The following XIRP2 variants were observed in gnomAD, a reference collection of about 807,000 sequenced individuals.
XIRP2 encodes the protein xin actin binding repeat containing 2, also known as xin actin-binding repeat-containing protein 2.
A neutral mutation model predicts 277.0 loss-of-function variants in XIRP2; 236 were observed. The observed-to-expected ratio is 0.85, with a 90% CI of 0.77 to 0.95. XIRP2 has a LOEUF of 0.95. Ranked by LOEUF, XIRP2 falls within the 40% of genes least tolerant of loss-of-function variation. The pLI, the probability that XIRP2 is intolerant of heterozygous loss-of-function variation, is 0.00. For synonymous variants in XIRP2, 1,490 were observed against 1,416.5 expected (o/e 1.05, Z -1.17); for missense variants, 4,640 against 4,157.5 (o/e 1.12, Z -3.19).
At chr2:167,168,835 C>T (rs1353326428) in intron 3 of XIRP2, among the ~76,000 whole-genome samples, 2 of 152,054 alleles carry the variant, frequency 1.3e-5, no homozygotes, top group African/African-American at 4.8e-5. Flanking sequence ...AGGATGATCT[C>T]GATCTCCTGA....
Position 166,893,271 on chromosome 2 carries a change from A to G in XIRP2, c.-19+4714A>G, listed in dbSNP as rs529960156. The stretch of plus-strand genomic sequence containing the variant: ...TTTCCTTCTGTGGAAGGAAGAAAAC[A>G]GTTTAAACCAATGCTGATAAAGATG... On this transcript the variant is annotated intron_variant, in intron 1 of 10. Transcript: ENST00000409195. Among the ~76,000 whole-genome samples the G allele has an allele frequency of 1.1e-4, 16 of 152,246 alleles. No individual in the cohort carries two copies. The South Asian group carries it at 3.3e-3, about 32-fold the overall frequency.
chr2:166,980,253 T>C (rs183657368), intron 2 of XIRP2, among the ~76,000 whole-genome samples: 1 of 152,252 alleles, frequency 6.6e-6, no homozygotes, highest in Admixed American at 6.5e-5. Flanking sequence ...CTCTAAGAGT[T>C]TTTATAAATA....
intron 2 of XIRP2, among the ~76,000 whole-genome samples, chr2:167,001,308 C>T (rs1687362752): frequency 6.6e-6 from 1 of 152,020 alleles, no homozygotes; most frequent in East Asian, 1.9e-4. Context: ...TGCACCTCAT[C>T]TTTCTGGGTA....
chr2:167,018,753 C>T (rs1326764823), intron 2 of XIRP2, among the ~76,000 whole-genome samples: 1 of 151,982 alleles, frequency 6.6e-6, no homozygotes, highest in African/African-American at 2.4e-5. Context: ...CCATTTCCTA[C>T]CACTTACTGA....
chr2:167,186,675 G>A (rs1327970544), intron 3 of XIRP2, among the ~76,000 whole-genome samples: 1 of 152,106 alleles, frequency 6.6e-6, no homozygotes, highest in Admixed American at 6.6e-5. Flanking sequence ...TCAGGAGCAC[G>A]TGAGGTGACT....
chr2:167,122,697 G>A (rs569168364), intron 2 of XIRP2, among the ~76,000 whole-genome samples: 2 of 152,274 alleles, frequency 1.3e-5, no homozygotes, highest in African/African-American at 4.8e-5. Context: ...GTACTTGTGA[G>A]CAAAAGGCCC....
In XIRP2 at chr2:167,014,803, T is replaced by C. The variant is rs560331807; in HGVS notation, c.408+110913T>C. On this transcript the variant is annotated intron_variant, in intron 2 of 10. Transcript: ENST00000409195. ...CTGTGCCAAATGTTAAGTTCTATTTTACAGTTAAGAAAACTGAGGTTTATG... is the reference window on the plus strand; with the variant it reads ...CTGTGCCAAATGTTAAGTTCTATTTCACAGTTAAGAAAACTGAGGTTTATG... Among the ~76,000 whole-genome samples, 3 of 151,934 alleles carry C rather than the reference T, an allele frequency of 2.0e-5. No homozygotes were observed. The East Asian group carries it at 5.8e-4, about 30-fold the overall frequency.
chr2:167,223,465 A>T (rs373287121), intron 5 of XIRP2, among the ~76,000 whole-genome samples: 1 of 152,202 alleles, frequency 6.6e-6, no homozygotes, highest in African/African-American at 2.4e-5. Flanking sequence ...CTGTAAGATT[A>T]TGCAGATTTG....
intron 3 of XIRP2, among the ~76,000 whole-genome samples, chr2:167,208,453 G>GC (rs1693921889): frequency 6.6e-6 from 1 of 152,040 alleles, no homozygotes; most frequent in Non-Finnish European, 1.5e-5. Context: ...GACTACAGGC[G>GC]CCCGCCACCA....
chr2:167,025,153 A>C (rs1688114652), intron 2 of XIRP2, among the ~76,000 whole-genome samples: 1 of 152,056 alleles, frequency 6.6e-6, no homozygotes, highest in African/African-American at 2.4e-5. Context: ...GTCTATTCAG[A>C]GATTCAACTT....
At chr2:167,172,193 C>A (rs200995327) in intron 3 of XIRP2, among the ~76,000 whole-genome samples, 14,972 of 151,950 alleles carry the variant, frequency 0.099, 774 homozygotes, top group South Asian at 0.15. Flanking sequence ...GTGATGCTCC[C>A]CAAGCCGCAA....
intron 5 of XIRP2, among the ~76,000 whole-genome samples, chr2:167,238,349 A>C (rs1694959814): frequency 6.6e-6 from 1 of 152,168 alleles, no homozygotes; most frequent in African/African-American, 2.4e-5. Flanking sequence ...TAAACGTGTA[A>C]GTCCATATTT....
intron 2 of XIRP2, among the ~76,000 whole-genome samples, chr2:166,953,353 T>C (rs936287643): frequency 6.6e-6 from 1 of 151,912 alleles, no homozygotes; most frequent in African/African-American, 2.4e-5. Context: ...GTTCTCCTTA[T>C]AGTGATAAGT....
intron 3 of XIRP2, among the ~76,000 whole-genome samples, chr2:167,181,567 A>G (rs901872151): frequency 6.7e-6 from 1 of 149,670 alleles, no homozygotes; most frequent in Non-Finnish European, 1.5e-5. Flanking sequence ...CAAGAAGCCT[A>G]TCAAGAACAT....
chr2:167,020,692 T>C (rs1687958926), intron 2 of XIRP2, among the ~76,000 whole-genome samples: 1 of 151,986 alleles, frequency 6.6e-6, no homozygotes, highest in South Asian at 2.1e-4. Context: ...ACACAGATGG[T>C]TAATTTGCTG....
At chr2:166,977,109 G>C (rs570481203) in intron 2 of XIRP2, among the ~76,000 whole-genome samples, 41 of 152,024 alleles carry the variant, frequency 2.7e-4, no homozygotes, top group African/African-American at 9.6e-4. Context: ...TGCTCTGTTG[G>C]TATTTTTTTT....
intron 2 of XIRP2, among the ~76,000 whole-genome samples, chr2:167,082,117 C>G (rs1387042011): frequency 1.3e-5 from 2 of 148,934 alleles, no homozygotes; most frequent in African/African-American, 5.0e-5. Flanking sequence ...CACCACAGTC[C>G]CCAGAGTGTG....
At chr2:167,254,191 C>T in intron 10 of XIRP2, 26 bp downstream of exon 10, 1 of 1,600,324 alleles carries the variant, frequency 6.2e-7, no homozygotes, top group Non-Finnish European at 8.5e-7. Context: ...GTCTTTGCCA[C>T]AAATATTCCA....
At position 167,246,635 on chromosome 2, in the gene XIRP2, C is replaced by A; in HGVS notation, c.5243C>A (p.Thr1748Asn). The A allele has an allele frequency of 1.2e-6, 2 of 1,613,714 alleles. No homozygotes were observed. The highest frequency in any genetic ancestry group is 1.7e-6 in the Non-Finnish European group (2 of 1,179,820). ...AGAGGAAATGTTCAGTTTTTCACAA[C>A]CTGCATAGAAGCTGGAGCTTTGGAT... ...SERGNVQFFT[T>N]CIEAGALDYL... The change falls in exon 9 of 11, where the codon ACC (threonine) becomes AAC (asparagine). Residue 1748 changes from threonine to asparagine, a missense_variant. By Grantham distance (65) the Thr-to-Asn change is moderately conservative. Transcript: ENST00000409195.
Sources: allele counts gnomAD v4.1 joint callset (sites outside exome capture counted in the v4.1 genomes callset), GRCh38; gene constraint gnomAD v4.1.1; transcripts MANE v1.5; gene names NCBI Gene and HGNC (gene_info 2026-07-23, HGNC 2026-07-21).